DCDC1: variants seen among roughly 807,000 people sequenced by gnomAD.
The protein encoded by DCDC1 is doublecortin domain containing 1, also known as doublecortin domain-containing protein 1.
A neutral mutation model predicts 178.3 loss-of-function variants in DCDC1; 200 were observed. That is an observed-to-expected ratio of 1.12 (90% confidence interval 1.00 to 1.26). The LOEUF (loss-of-function observed/expected upper bound fraction) is 1.26, where lower values mean the gene tolerates loss of function less well. DCDC1 is among the 50% of genes most tolerant of loss of function. The probability of loss-of-function intolerance (pLI) is 0.00; values close to 1 mark genes in which losing one functional copy is unlikely to be tolerated. For synonymous variants in DCDC1, 690 were observed against 604.8 expected (o/e 1.14, Z -2.07); for missense variants, 1,983 against 1,749.2 (o/e 1.13, Z -2.38).
chr11:31,289,153 C>T (rs541691573), intron 7 of DCDC1, among the ~76,000 whole-genome samples: 61 of 152,046 alleles, frequency 4.0e-4, no homozygotes, highest in African/African-American at 1.4e-3. Flanking sequence ...TTATACTCAA[C>T]ATTTCATCTA....
At chr11:30,936,906 T>C (rs906676494) in intron 21 of DCDC1, among the ~76,000 whole-genome samples, 2 of 152,174 alleles carry the variant, frequency 1.3e-5, no homozygotes, top group African/African-American at 4.8e-5. Context: ...TAAATAGCAA[T>C]GGGATATTGC....
intron 20 of DCDC1, among the ~76,000 whole-genome samples, chr11:30,953,505 G>A (rs985909866): frequency 2.0e-5 from 3 of 151,796 alleles, no homozygotes; most frequent in Non-Finnish European, 4.4e-5. Flanking sequence ...AAGCTAAGTA[G>A]AGAAGGGAAA....
At chr11:31,116,273 T>A (rs1356929364) in intron 11 of DCDC1, among the ~76,000 whole-genome samples, 2 of 152,068 alleles carry the variant, frequency 1.3e-5, no homozygotes, top group Non-Finnish European at 2.9e-5. Flanking sequence ...CTCTAATATA[T>A]GAAAATTGAA....
intron 20 of DCDC1, among the ~76,000 whole-genome samples, chr11:31,041,453 C>G (rs192634017): frequency 7.2e-5 from 11 of 152,290 alleles, no homozygotes; most frequent in Admixed American, 5.9e-4. Context: ...GCCTTATAAA[C>G]ATTGATTTAC....
chr11:31,212,763 AT>A (rs952418312), intron 9 of DCDC1, among the ~76,000 whole-genome samples: 5 of 152,140 alleles, frequency 3.3e-5, no homozygotes, highest in Admixed American at 1.3e-4. Flanking sequence ...ATAAATCTGT[AT>A]TTTTTTCAGT....
intron 20 of DCDC1, among the ~76,000 whole-genome samples, chr11:31,026,372 A>C (rs1366569100): frequency 6.6e-6 from 1 of 151,866 alleles, no homozygotes; most frequent in African/African-American, 2.4e-5. Flanking sequence ...CTAACATAAC[A>C]GAAATGATCA....
At chr11:31,321,602 A>ATTCTC in intron 3 of DCDC1, among the ~76,000 whole-genome samples, 1 of 152,168 alleles carries the variant, frequency 6.6e-6, no homozygotes, top group South Asian at 2.1e-4. Flanking sequence ...GAAATGCAGA[A>ATTCTC]ATCACCCGTC....
intron 9 of DCDC1, among the ~76,000 whole-genome samples, chr11:31,202,823 TC>T (rs1971451840): frequency 6.6e-6 from 1 of 152,030 alleles, no homozygotes; most frequent in South Asian, 2.1e-4. Flanking sequence ...TGAAGGCATT[TC>T]CCAGGAAAAG....
At chr11:30,908,609 G>C (rs1400753059) in intron 29 of DCDC1, among the ~76,000 whole-genome samples, 1 of 152,078 alleles carries the variant, frequency 6.6e-6, no homozygotes, top group Non-Finnish European at 1.5e-5. Flanking sequence ...AATGTCTGGG[G>C]TTGGCAAACA....
At chr11:31,312,471 G>A (rs776045290) in intron 3 of DCDC1, among the ~76,000 whole-genome samples, 1 of 152,190 alleles carries the variant, frequency 6.6e-6, no homozygotes, top group Non-Finnish European at 1.5e-5. Flanking sequence ...ATTTCTGGGT[G>A]TGTCTGTGAG....
chr11:31,303,495 C>T (rs541723280), intron 6 of DCDC1, among the ~76,000 whole-genome samples: 69 of 151,998 alleles, frequency 4.5e-4, no homozygotes, highest in African/African-American at 1.6e-3. Flanking sequence ...GGAAAATTAT[C>T]GATTTATCTG....
chr11:31,177,954 C>T (rs1161947516), intron 9 of DCDC1, among the ~76,000 whole-genome samples: 1 of 152,042 alleles, frequency 6.6e-6, no homozygotes, highest in Admixed American at 6.6e-5. Context: ...GCTATGTAAT[C>T]AACACACCAT....
chr11:31,112,234 T>C (rs1334392832), intron 11 of DCDC1, among the ~76,000 whole-genome samples: 3 of 152,306 alleles, frequency 2.0e-5, no homozygotes, highest in Middle Eastern at 3.4e-3. Flanking sequence ...GCTCTAGTTT[T>C]TAAGCTCTAT....
Position 30,920,627 on chromosome 11 carries a change from G to T in DCDC1, c.3293+149C>A, listed in dbSNP as rs116064317. ...GAAGCTGTAGTTGTATCATTTTGCC[G>T]GAAAACTAATTAAATACTAGCTCTT... On this transcript the variant is annotated intron_variant, in intron 25 of 38. Transcript: ENST00000684477. 138 of 861,548 alleles carry T rather than the reference G, an allele frequency of 1.6e-4. No homozygotes were observed. The African/African-American group carries it at 2.0e-3, about 13-fold the overall frequency. The allele number at this position is 861,548 out of a possible 1,614,324, so 53.4% of individuals were successfully genotyped here.
At chr11:30,906,317 G>A in intron 30 of DCDC1, 1 of 452,202 alleles carries the variant, frequency 2.2e-6, no homozygotes, top group Non-Finnish European at 3.9e-6. Context: ...AGCTGCAGAA[G>A]TGCCCAATTA....
intron 38 of DCDC1, among the ~76,000 whole-genome samples, chr11:30,872,328 A>G (rs1941660259): frequency 6.6e-6 from 1 of 152,172 alleles, no homozygotes; most frequent in Non-Finnish European, 1.5e-5. Flanking sequence ...CTGAATTGAG[A>G]TGTGCTGTAA....
intron 6 of DCDC1, among the ~76,000 whole-genome samples, chr11:31,300,006 C>T (rs1309839747): frequency 5.3e-5 from 8 of 152,026 alleles, no homozygotes; most frequent in African/African-American, 1.2e-4. Flanking sequence ...CACAGGCTCG[C>T]GCCACCATGC....
chr11:31,166,216 G>A (rs1255452917), intron 9 of DCDC1, among the ~76,000 whole-genome samples: 1 of 152,118 alleles, frequency 6.6e-6, no homozygotes, highest in African/African-American at 2.4e-5. Flanking sequence ...CAACTTTGAA[G>A]CAAAAATTTT....
Position 31,106,890 on chromosome 11 carries a change from AT to A in DCDC1, c.1657del (p.Met553CysfsTer17). ...TTGGCCATTCTCATCAAAAAGCCGC[AT>A]TGAAGAATAATTGAGGCCTGGTGGG... is the stretch of plus-strand genomic sequence containing the variant. ...INPPGLNYSS[M>X]RLFDENGQEI... On this transcript the variant is annotated frameshift_variant, in exon 13 of 39. Coordinates refer to ENST00000684477, the MANE Select transcript of DCDC1 (RefSeq NM_001387274.1). LOFTEE classifies it high-confidence loss of function. 1.3e-6 allele frequency: 1 copy of A among 766,158 alleles called. No homozygotes were observed. Among genetic ancestry groups the A allele is most frequent in the Admixed American group, 1.7e-5 (1 of 58,952 alleles). The allele number at this position is 766,158 out of a possible 1,614,324, so 47.5% of individuals were successfully genotyped here. A position where few individuals can be genotyped will look rare whatever the true frequency, so the allele number is the denominator to read the frequency against.
Sources: allele counts gnomAD v4.1 joint callset (sites outside exome capture counted in the v4.1 genomes callset), GRCh38; gene constraint gnomAD v4.1.1; transcripts MANE v1.5; gene names NCBI Gene and HGNC (gene_info 2026-07-23, HGNC 2026-07-21).